CCDC62: variants seen among roughly 807,000 people sequenced by gnomAD.
The protein encoded by CCDC62 is coiled-coil domain containing 62, also known as coiled-coil domain-containing protein 62.
A neutral mutation model predicts 80.8 loss-of-function variants in CCDC62; 72 were observed. The observed-to-expected ratio is 0.89, with a 90% CI of 0.74 to 1.08. CCDC62 has a LOEUF of 1.08. Among genes scored for constraint, CCDC62 ranks in the 50% least tolerant of loss-of-function variants. The pLI is 0.00. For missense variants in CCDC62, 704 were observed against 809.4 expected (o/e 0.87, Z 1.58); for synonymous variants, 286 against 296.5 (o/e 0.96, Z 0.36).
chr12:122,824,149 C>T (rs2032518278), intron 12 of CCDC62, among the ~76,000 whole-genome samples: 1 of 152,110 alleles, frequency 6.6e-6, no homozygotes, highest in Non-Finnish European at 1.5e-5. Context: ...GGCGCAGTGG[C>T]TCATGCCCAT....
chr12:122,795,580 T>A (rs186631845), intron 6 of CCDC62, among the ~76,000 whole-genome samples: 2 of 152,062 alleles, frequency 1.3e-5, no homozygotes, highest in South Asian at 4.1e-4. Context: ...CCCGCCACCA[T>A]GCCCAGCTAA....
intron 3 of CCDC62, among the ~76,000 whole-genome samples, chr12:122,784,837 TA>T (rs750479293): frequency 7.0e-6 from 1 of 142,100 alleles, no homozygotes; most frequent in Non-Finnish European, 1.5e-5. Context: ...CCTATCTCTT[TA>T]AAACAAAAAC....
chr12:122,777,392 T>G, intron 1 of CCDC62, 99 bp from the exon 2 acceptor site: 2 of 953,546 alleles, frequency 2.1e-6, no homozygotes, highest in Non-Finnish European at 3.1e-6. Context: ...CTACTTAGAA[T>G]TGGCCGCAAA....
At chr12:122,816,542 AT>A (rs1218596886) in intron 11 of CCDC62, among the ~76,000 whole-genome samples, 1 of 152,174 alleles carries the variant, frequency 6.6e-6, no homozygotes, top group East Asian at 1.9e-4. Flanking sequence ...TCTGGGCAAC[AT>A]TGAAAAACCC....
At chr12:122,774,956 T>G (rs370772853) in intron 1 of CCDC62, among the ~76,000 whole-genome samples, 26 of 149,306 alleles carry the variant, frequency 1.7e-4, no homozygotes, top group African/African-American at 5.9e-4. Context: ...TAGCCGGGCG[T>G]GGCGGCGGGC....
chr12:122,797,435 T>G, intron 7 of CCDC62, 40 bp downstream of exon 7: 1 of 1,138,530 alleles, frequency 8.8e-7, no homozygotes, highest in Non-Finnish European at 1.3e-6. Context: ...ATAAGAAATG[T>G]TTGTAAACAA....
intron 10 of CCDC62, 48 bp downstream of exon 10, chr12:122,806,343 C>A: frequency 6.6e-7 from 1 of 1,507,036 alleles, no homozygotes; most frequent in South Asian, 1.3e-5. Context: ...CCAGGCCTCT[C>A]ACCAGCTTTT....
At position 122,796,874 on chromosome 12, in the gene CCDC62, C is replaced by CT. The variant is rs751983214; in HGVS notation, c.773-431dup. ...TAATCCCTGAATCTACAAATCACTT[C>CT]TTCTTTTTTTTTTTTTTTTTTTAAG... On this transcript the variant is annotated intron_variant, in intron 6 of 12. Coordinates refer to ENST00000253079, the MANE Select transcript of CCDC62 (RefSeq NM_201435.5). Among the ~76,000 whole-genome samples, 16 of 145,610 alleles carry CT rather than the reference C, an allele frequency of 1.1e-4. 1 individual carries two copies. The highest frequency in any genetic ancestry group is 1.0e-3 in the East Asian group (5 of 4,938).
Position 122,801,615 on chromosome 12 carries a change from T to C in CCDC62, c.1469T>C (p.Met490Thr). 6.2e-7 allele frequency: 1 copy of C among 1,614,174 alleles called. No individual in the cohort carries two copies. The highest frequency in any genetic ancestry group is 8.5e-7 in the Non-Finnish European group (1 of 1,180,042). ...CTGGATGTAGAATGTCAAGATCAGA[T>C]GGAAAGGTCCGAAATCTCATGCTGC... ...EKLDVECQDQ[M>T]ERSEISCCQK... The change falls in exon 9 of 13, where the codon ATG (methionine) becomes ACG (threonine). Residue 490 changes from methionine to threonine, a missense_variant. Coordinates refer to ENST00000253079, the MANE Select transcript of CCDC62 (RefSeq NM_201435.5).
At chr12:122,791,369 C>T (rs1158021582) in intron 5 of CCDC62, among the ~76,000 whole-genome samples, 1 of 151,578 alleles carries the variant, frequency 6.6e-6, no homozygotes, top group Non-Finnish European at 1.5e-5. Flanking sequence ...GAACTCCTGA[C>T]CTCAGGTGAT....
chr12:122,801,703 T>C lies in CCDC62; in HGVS notation c.1557T>C (p.Ser519=). The C allele has an allele frequency of 6.2e-6, 10 of 1,614,096 alleles. No individual in the cohort carries two copies. The highest frequency in any genetic ancestry group is 8.5e-6 in the Non-Finnish European group (10 of 1,180,022). The part of the protein sequence containing the change: ...GMCDSKCCHP[S]NFIIEAPGHM... ...GTGACTCCAAGTGCTGCCACCCGAG[T>C]AACTTCATAATTGAAGCCCCAGGCC... Residue 519 remains serine, a synonymous_variant, in exon 9 of 13, where the codon AGT becomes AGC. Coordinates refer to ENST00000253079, the MANE Select transcript of CCDC62 (RefSeq NM_201435.5).
At chr12:122,820,084 G>A (rs73228019) in intron 11 of CCDC62, among the ~76,000 whole-genome samples, 193 of 52,636 alleles carry the variant, frequency 3.7e-3, no homozygotes, top group South Asian at 5.6e-3. Context: ...AAAAAAAAAA[G>A]AAGAAGAAGA....
chr12:122,820,997 CA>C (rs2032383778), intron 11 of CCDC62, among the ~76,000 whole-genome samples: 1 of 152,122 alleles, frequency 6.6e-6, no homozygotes, highest in Admixed American at 6.6e-5. Flanking sequence ...GCCACACAGG[CA>C]GGGGGAGGTG....
chr12:122,785,965 G>A (rs2030193104), intron 4 of CCDC62, 145 bp downstream of exon 4: 4 of 618,370 alleles, frequency 6.5e-6, no homozygotes, highest in Admixed American at 2.8e-5. Context: ...TTAGAAATGA[G>A]GGAAACAAGT....
intron 5 of CCDC62, among the ~76,000 whole-genome samples, chr12:122,789,258 C>T (rs2030452215): frequency 6.6e-6 from 1 of 152,108 alleles, no homozygotes; most frequent in Non-Finnish European, 1.5e-5. Context: ...TTTATTAAAC[C>T]CACATGTCTA....
chr12:122,811,221 T>TG (rs2031861589), intron 10 of CCDC62, among the ~76,000 whole-genome samples: 1 of 145,946 alleles, frequency 6.9e-6, no homozygotes. Flanking sequence ...TTTTTTTTTT[T>TG]TTTTTTTCAG....
chr12:122,782,563 A>G (rs1255505816), intron 3 of CCDC62, among the ~76,000 whole-genome samples: 2 of 152,042 alleles, frequency 1.3e-5, no homozygotes, highest in African/African-American at 4.8e-5. Flanking sequence ...GGTTCAAACA[A>G]TTCTCTTGCC....
chr12:122,818,049 T>C (rs141856593), intron 11 of CCDC62, among the ~76,000 whole-genome samples: 10 of 152,224 alleles, frequency 6.6e-5, no homozygotes, highest in Non-Finnish European at 1.2e-4. Flanking sequence ...GGCTCACACC[T>C]ATAATCCCAG....
In CCDC62 at chr12:122,774,747, G is replaced by T. The variant is rs373290584; in HGVS notation, c.36+41G>T. 6.5e-6 allele frequency: 8 copies of T among 1,226,510 alleles called. No individual in the cohort carries two copies. The African/African-American group carries it at 1.3e-4, about 19-fold the overall frequency. 76.0% of individuals were successfully genotyped at this position (1,226,510 alleles called of 1,614,324 possible). A position where few individuals can be genotyped will look rare whatever the true frequency, so the allele number is the denominator to read the frequency against. Reference sequence around the variant, plus strand: ...GGGCGCGGCGGGGCGCCGCGGGAACGGTGCACATTGGTCGAAATCTATTGC... The same window carrying T: ...GGGCGCGGCGGGGCGCCGCGGGAACTGTGCACATTGGTCGAAATCTATTGC... On this transcript the variant is annotated intron_variant, in intron 1 of 12. Transcript: ENST00000253079.
Sources: gnomAD v4.1 joint callset for allele counts (sites outside exome capture counted in the v4.1 genomes callset) on GRCh38, gnomAD v4.1.1 for gene constraint, MANE v1.5 for transcripts, NCBI Gene and HGNC (gene_info 2026-07-23, HGNC 2026-07-21) for gene names.